C1orf21: variants seen among roughly 807,000 people sequenced by gnomAD.
The protein encoded by C1orf21 is chromosome 1 open reading frame 21, also known as uncharacterized protein C1orf21.
In C1orf21, 3 loss-of-function variants were observed where a neutral mutation model predicts 18.7. That is an observed-to-expected ratio of 0.16 (90% CI 0.07 to 0.42). The LOEUF (loss-of-function observed/expected upper bound fraction) is 0.42. Among genes scored for constraint, C1orf21 ranks in the 10% least tolerant of loss-of-function variants. The pLI is 0.99. For missense variants in C1orf21, 104 were observed against 143.6 expected, an observed-to-expected ratio of 0.72 and a Z score of 1.41; for synonymous variants, 41 against 46.4, an observed-to-expected ratio of 0.88 and a Z score of 0.47.
chr1:184,417,240 G>A (rs1387198279), intron 1 of C1orf21, among the ~76,000 whole-genome samples: 1 of 152,110 alleles, frequency 6.6e-6, no homozygotes, highest in East Asian at 1.9e-4. Flanking sequence ...GAAAAGAAAA[G>A]CTGCATAAAA....
At chr1:184,534,865 A>G (rs1402500726) in intron 3 of C1orf21, among the ~76,000 whole-genome samples, 1 of 151,990 alleles carries the variant, frequency 6.6e-6, no homozygotes, top group African/African-American at 2.4e-5. Flanking sequence ...TATGGAAGAG[A>G]TTGGGGCGGG....
intron 3 of C1orf21, among the ~76,000 whole-genome samples, chr1:184,581,047 C>G (rs1427000119): frequency 6.6e-6 from 1 of 152,176 alleles, no homozygotes; most frequent in Non-Finnish European, 1.5e-5. Context: ...GACATGGGGC[C>G]TCCATTAACC....
chr1:184,551,834 A>T (rs901739116), intron 3 of C1orf21, among the ~76,000 whole-genome samples: 20 of 152,126 alleles, frequency 1.3e-4, no homozygotes, highest in African/African-American at 3.9e-4. Flanking sequence ...TGGTAAGACC[A>T]CATCTCTACA....
intron 3 of C1orf21, among the ~76,000 whole-genome samples, chr1:184,584,130 CTTCTTTTT>C (rs1659320627): frequency 1.2e-5 from 1 of 81,864 alleles, no homozygotes. Flanking sequence ...GCTTGTTCTT[CTTCTTTTT>C]TTTTTTTTTT....
intron 3 of C1orf21, among the ~76,000 whole-genome samples, chr1:184,509,996 G>C (rs1658121217): frequency 6.6e-6 from 1 of 152,182 alleles, no homozygotes; most frequent in African/African-American, 2.4e-5. Flanking sequence ...AGTACTGCGT[G>C]AGATGATAGT....
At chr1:184,532,466 C>A (rs1658476877) in intron 3 of C1orf21, among the ~76,000 whole-genome samples, 1 of 151,996 alleles carries the variant, frequency 6.6e-6, no homozygotes, top group South Asian at 2.1e-4. Flanking sequence ...TGGGAGAGGC[C>A]AGGCATTATG....
Position 184,477,377 on chromosome 1 carries a change from T to C in C1orf21, c.-124-9T>C. ...CTGCCCATTCTAATCTAGCTTTCTT[T>C]TCTTGCAGGTGCACACATCTTGACC... On this transcript the variant is annotated splice_polypyrimidine_tract_variant and intron_variant, in intron 1 of 5. Coordinates refer to ENST00000235307, the MANE Select transcript of C1orf21 (RefSeq NM_030806.4). The C allele has an allele frequency of 1.5e-6, 1 of 660,606 alleles. No individual in the cohort carries two copies. Among genetic ancestry groups the C allele is most frequent in the East Asian group, 2.7e-5 (1 of 36,628 alleles). 40.9% of individuals were successfully genotyped at this position (660,606 alleles called of 1,614,324 possible). A position where few individuals can be genotyped will look rare whatever the true frequency, so the allele number is the denominator to read the frequency against.
chr1:184,422,233 G>A (rs1215101815), intron 1 of C1orf21, among the ~76,000 whole-genome samples: 2 of 152,164 alleles, frequency 1.3e-5, no homozygotes, highest in Admixed American at 6.5e-5. Flanking sequence ...TTTCCCTTTC[G>A]AAACTCAGCT....
intron 1 of C1orf21, among the ~76,000 whole-genome samples, chr1:184,472,469 T>C (rs1360113729): frequency 6.6e-6 from 1 of 152,202 alleles, no homozygotes. Context: ...TTATCTACAA[T>C]ATTTTTGCCT....
chr1:184,595,021 G>T (rs1000739456), intron 4 of C1orf21, among the ~76,000 whole-genome samples: 3 of 152,204 alleles, frequency 2.0e-5, no homozygotes, highest in African/African-American at 7.2e-5. Context: ...AGAAGTCTCA[G>T]GAAGAAGAGT....
At chr1:184,585,819 A>G (rs1297332604) in intron 3 of C1orf21, among the ~76,000 whole-genome samples, 2 of 152,168 alleles carry the variant, frequency 1.3e-5, no homozygotes, top group African/African-American at 2.4e-5. Context: ...TTATGGCTGC[A>G]TGGTATTCCA....
intron 1 of C1orf21, among the ~76,000 whole-genome samples, chr1:184,460,648 TC>T (rs1657290945): frequency 6.8e-6 from 1 of 147,354 alleles, no homozygotes; most frequent in Non-Finnish European, 1.5e-5. Context: ...TTCTTCTTCT[TC>T]TTCTTCTTCT....
At chr1:184,420,579 T>A (rs1276181598) in intron 1 of C1orf21, among the ~76,000 whole-genome samples, 1 of 152,214 alleles carries the variant, frequency 6.6e-6, no homozygotes, top group African/African-American at 2.4e-5. Context: ...ATAAATAGTT[T>A]GGTAGGCTTG....
intron 3 of C1orf21, among the ~76,000 whole-genome samples, chr1:184,583,260 G>C (rs1223012832): frequency 2.0e-5 from 3 of 152,178 alleles, no homozygotes; most frequent in African/African-American, 4.8e-5. Context: ...ACTGTCTTCA[G>C]CATCAGAGAA....
intron 1 of C1orf21, among the ~76,000 whole-genome samples, chr1:184,444,604 C>T (rs1013215247): frequency 2.0e-5 from 3 of 152,076 alleles, no homozygotes; most frequent in Non-Finnish European, 4.4e-5. Flanking sequence ...ACTAATACAA[C>T]TGGGTTTCAG....
At chr1:184,409,646 A>G (rs1489185103) in intron 1 of C1orf21, among the ~76,000 whole-genome samples, 2 of 152,190 alleles carry the variant, frequency 1.3e-5, no homozygotes, top group South Asian at 2.1e-4. Context: ...TTTGTAGCTC[A>G]TCTGCTACCC....
At chr1:184,502,950 C>T (rs1340327860) in intron 2 of C1orf21, among the ~76,000 whole-genome samples, 2 of 151,562 alleles carry the variant, frequency 1.3e-5, no homozygotes, top group African/African-American at 2.4e-5. Context: ...TGATGGTGTG[C>T]ACCTGTGGTC....
intron 3 of C1orf21, among the ~76,000 whole-genome samples, chr1:184,535,029 G>A (rs1658529519): frequency 6.7e-6 from 1 of 149,956 alleles, no homozygotes; most frequent in South Asian, 2.1e-4. Context: ...TAAAGGTAAG[G>A]TATTCTCGAG....
At chr1:184,614,801 C>T (rs909210190) in intron 5 of C1orf21, among the ~76,000 whole-genome samples, 37 of 152,290 alleles carry the variant, frequency 2.4e-4, no homozygotes, top group African/African-American at 7.7e-4. Context: ...CTCACATGCA[C>T]GGTTCACAGT....
Sources: allele counts gnomAD v4.1 joint callset (sites outside exome capture counted in the v4.1 genomes callset), GRCh38; gene constraint gnomAD v4.1.1; transcripts MANE v1.5; gene names NCBI Gene and HGNC (gene_info 2026-07-23, HGNC 2026-07-21).